PPP1R2: variants seen among roughly 807,000 people sequenced by gnomAD.
The protein encoded by PPP1R2 is protein phosphatase inhibitor 2.
In PPP1R2, 16 loss-of-function variants were observed where a neutral mutation model predicts 29.9. That is an observed-to-expected ratio of 0.53 (90% CI 0.36 to 0.81). PPP1R2 has a LOEUF of 0.81. PPP1R2 is among the 30% of genes least tolerant of loss of function. PPP1R2 has a pLI of 0.00. For missense variants in PPP1R2, 197 were observed against 252.7 expected, an observed-to-expected ratio of 0.78 and a Z score of 1.49; for synonymous variants, 76 against 91.5, an observed-to-expected ratio of 0.83 and a Z score of 0.96.
intron 1 of PPP1R2, among the ~76,000 whole-genome samples, chr3:195,530,778 C>A (rs1208068485): frequency 2.6e-5 from 4 of 151,112 alleles, no homozygotes; most frequent in South Asian, 2.1e-4. Context: ...CCTGCCTTGG[C>A]CTCCCAAAGT....
rs201636106 is a variant in PPP1R2, at chr3:195,516,907, G to A, written c.607C>T (p.Arg203Ter). 61 of 1,612,150 alleles carry A rather than the reference G, an allele frequency of 3.8e-5. No individual in the cohort carries two copies. The highest frequency in any genetic ancestry group is 1.6e-4 in the Middle Eastern group (1 of 6,078). The change falls in exon 6 of 6, where the codon CGA (arginine) becomes TGA (stop). Residue 203 changes from arginine (R) to a stop codon, truncating the protein, a stop_gained. Transcript: ENST00000618156. LOFTEE classifies it high-confidence loss of function. Reference protein sequence around the residue: ...TPSDQQQNKLRSS With the variant: ...TPSDQQQNKL ...TGAACAAATCTCGTCTATGAACTTC[G>A]TAATTTGTTTTGCTGTTGGTCACTT...
At position 195,524,788 on chromosome 3, in the gene PPP1R2, G is replaced by A. The variant is rs529176473; in HGVS notation, c.308+31C>T. On this transcript the variant is annotated intron_variant, in intron 3 of 5. Transcript: ENST00000618156. The stretch of plus-strand genomic sequence containing the variant: ...CTCTGCACGATTATAAACAGCCTAA[G>A]TGAAAATGTGCTCCGGTCATTAGTA... 5 of 1,606,926 alleles carry A rather than the reference G, an allele frequency of 3.1e-6. No homozygotes were observed. In the African/African-American group the frequency reaches 4.0e-5, roughly 13 times the overall value.
chr3:195,518,924 TTC>T (rs1718652176), intron 5 of PPP1R2, 92 bp downstream of exon 5: 3 of 1,533,722 alleles, frequency 2.0e-6, no homozygotes, highest in South Asian at 1.3e-5. Context: ...CAGCAAAATT[TTC>T]TGTTTTTTCA....
chr3:195,524,085 C>T (rs1309064222), intron 3 of PPP1R2, among the ~76,000 whole-genome samples: 2 of 147,216 alleles, frequency 1.4e-5, no homozygotes, highest in Non-Finnish European at 3.0e-5. Context: ...AAGGCCCTGT[C>T]TCAAAAAAAA....
At chr3:195,537,939 T>C (rs1320323077) in intron 1 of PPP1R2, among the ~76,000 whole-genome samples, 1 of 152,236 alleles carries the variant, frequency 6.6e-6, no homozygotes, top group South Asian at 2.1e-4. Flanking sequence ...CAGGGGACAC[T>C]GGATATGAAA....
rs1718504334 is a variant in PPP1R2 at position 195,515,282 on chromosome 3, T to G, written c.*1614A>C. 1 of 153,144 alleles carries G rather than the reference T, an allele frequency of 6.5e-6. No individual in the cohort carries two copies. Among genetic ancestry groups the G allele is most frequent in the Non-Finnish European group, 1.5e-5 (1 of 68,038 alleles). The allele number at this position is 153,144 out of a possible 1,614,324, so 9.5% of individuals were successfully genotyped here. A position where few individuals can be genotyped will look rare whatever the true frequency, so the allele number is the denominator to read the frequency against. On this transcript the variant is annotated 3_prime_UTR_variant, in exon 6 of 6. Coordinates refer to ENST00000618156, the MANE Select transcript of PPP1R2 (RefSeq NM_006241.8). Reference sequence around the variant, plus strand: ...TTGATTATATATCTCATTCAAAAAATCAAAATAATGGCCACATTCTTCTAA... The same window carrying G: ...TTGATTATATATCTCATTCAAAAAAGCAAAATAATGGCCACATTCTTCTAA...
rs757099984 is a variant in PPP1R2, at chr3:195,529,863, G to A, written c.161C>T (p.Ala54Val). Residue 54 changes from alanine (A) to valine (V), a missense_variant, in exon 2 of 6, where the codon GCG (alanine) becomes GTG (valine). Physicochemically the swap from Ala to Val is moderately conservative, Grantham distance 64. Coordinates refer to ENST00000618156, the MANE Select transcript of PPP1R2 (RefSeq NM_006241.8). ...SQKWDEMNILATYHPADKDYG... is the reference protein window; with the variant it reads ...SQKWDEMNILVTYHPADKDYG... ...GTCTTTGTCTGCTGGATGATACGTC[G>A]CCAAGATGTTCATTTCATCCCACTT... 14 of 1,611,006 alleles carry A rather than the reference G, an allele frequency of 8.7e-6. No homozygotes were observed. Among genetic ancestry groups the A allele is most frequent in the South Asian group, 4.4e-5 (4 of 90,070 alleles).
chr3:195,519,266 A>G, intron 4 of PPP1R2, 81 bp from the exon 5 acceptor site: 3 of 1,038,114 alleles, frequency 2.9e-6, no homozygotes, highest in East Asian at 5.0e-5. Context: ...AATTTTATTG[A>G]AACAGTGATG....
chr3:195,526,597 C>T (rs149273689), intron 2 of PPP1R2, among the ~76,000 whole-genome samples: 1 of 152,122 alleles, frequency 6.6e-6, no homozygotes, highest in African/African-American at 2.4e-5. Context: ...AAAATAATGG[C>T]CATAGCTATT....
chr3:195,526,001 A>G (rs1257314054), intron 2 of PPP1R2, among the ~76,000 whole-genome samples: 1 of 152,222 alleles, frequency 6.6e-6, no homozygotes, highest in Non-Finnish European at 1.5e-5. Context: ...ATGTTTATAT[A>G]TGTACATGTA....
intron 2 of PPP1R2, among the ~76,000 whole-genome samples, chr3:195,528,186 T>G (rs1312724917): frequency 6.6e-6 from 1 of 152,176 alleles, no homozygotes; most frequent in African/African-American, 2.4e-5. Flanking sequence ...TGTATCATTC[T>G]TATGCCTTTG....
intron 2 of PPP1R2, among the ~76,000 whole-genome samples, chr3:195,526,922 T>C (rs1464390557): frequency 6.6e-6 from 1 of 152,018 alleles, no homozygotes; most frequent in Non-Finnish European, 1.5e-5. Flanking sequence ...GCTGGGGTTA[T>C]AGGCGCCCAC....
At chr3:195,535,496 G>C (rs528225665) in intron 1 of PPP1R2, among the ~76,000 whole-genome samples, 7 of 152,214 alleles carry the variant, frequency 4.6e-5, no homozygotes. Context: ...CGGGATTTAC[G>C]ACAGTGCCAA....
chr3:195,517,425 A>C (rs1220972243), intron 5 of PPP1R2, among the ~76,000 whole-genome samples: 1 of 151,930 alleles, frequency 6.6e-6, no homozygotes, highest in Admixed American at 6.5e-5. Flanking sequence ...AGGGCCCAAA[A>C]AGGGTAGGGG....
chr3:195,534,082 A>C (rs1181385286), intron 1 of PPP1R2, among the ~76,000 whole-genome samples: 1 of 152,202 alleles, frequency 6.6e-6, no homozygotes, highest in African/African-American at 2.4e-5. Context: ...TGGGAGGCTG[A>C]GGCAGGAGGA....
At chr3:195,530,276 G>A (rs778399340) in intron 1 of PPP1R2, among the ~76,000 whole-genome samples, 41 of 152,088 alleles carry the variant, frequency 2.7e-4, no homozygotes, top group Non-Finnish European at 4.4e-4. Flanking sequence ...GTAACTGTTC[G>A]GTAAAAAACA....
intron 5 of PPP1R2, 34 bp from the exon 6 acceptor site, chr3:195,516,976 G>T: frequency 6.4e-7 from 1 of 1,570,650 alleles, no homozygotes; most frequent in Non-Finnish European, 8.8e-7. Flanking sequence ...AACATAATTT[G>T]TTATATGTTG....
intron 1 of PPP1R2, among the ~76,000 whole-genome samples, chr3:195,541,301 C>T (rs981486620): frequency 7.2e-5 from 11 of 152,138 alleles, no homozygotes; most frequent in Non-Finnish European, 1.6e-4. Flanking sequence ...GAGTAACTCA[C>T]TTGGTAAATG....
chr3:195,536,961 C>A (rs1719413151), intron 1 of PPP1R2, among the ~76,000 whole-genome samples: 1 of 151,886 alleles, frequency 6.6e-6, no homozygotes, highest in Non-Finnish European at 1.5e-5. Flanking sequence ...AAAAGAACTA[C>A]AGAACACAAG....
Sources: allele counts gnomAD v4.1 joint callset (sites outside exome capture counted in the v4.1 genomes callset), GRCh38; gene constraint gnomAD v4.1.1; transcripts MANE v1.5; gene names NCBI Gene and HGNC (gene_info 2026-07-23, HGNC 2026-07-21).